The following DDX56 variants were observed in gnomAD, a reference collection of about 807,000 sequenced individuals.
DDX56 encodes the protein probable ATP-dependent RNA helicase DDX56.
Under a neutral mutation model 61.5 loss-of-function variants are expected in DDX56, and 45 were observed. The ratio of observed to expected loss-of-function variants is 0.73; its 90% CI spans 0.58 to 0.94. DDX56 has a LOEUF of 0.94. Among genes scored for constraint, DDX56 ranks in the 40% least tolerant of loss-of-function variants. The probability of loss-of-function intolerance (pLI) is 0.00; values close to 1 mark genes in which losing one functional copy is unlikely to be tolerated. For missense variants in DDX56, 708 were observed against 690.7 expected, an observed-to-expected ratio of 1.02 and a Z score of -0.28; for synonymous variants, 273 against 268.3, an observed-to-expected ratio of 1.02 and a Z score of -0.17.
rs780354785 is a variant in DDX56 at position 44,570,924 on chromosome 7, A to G, written c.891-47T>C. ...GAATCAGCTCAGCAGAGCAAGCTCA[A>G]GGCCCCTCTGCCATCCCTAGTATCA... On this transcript the variant is annotated intron_variant, in intron 6 of 13. Coordinates refer to ENST00000258772, the MANE Select transcript of DDX56 (RefSeq NM_019082.4). 5 of 1,582,632 alleles carry G rather than the reference A, an allele frequency of 3.2e-6. No individual in the cohort carries two copies. The South Asian group carries it at 3.4e-5, about 11-fold the overall frequency.
rs1377959980 is a variant in DDX56 at position 44,565,808 on chromosome 7, G to A, written c.*194C>T. ...TCATATGCTGGAGGCACAAACTGGGGCAGCTAAAATTTTTATTCTGTTGTC... is the reference window on the plus strand; with the variant it reads ...TCATATGCTGGAGGCACAAACTGGGACAGCTAAAATTTTTATTCTGTTGTC... On this transcript the variant is annotated 3_prime_UTR_variant, in exon 14 of 14. Coordinates refer to ENST00000258772, the MANE Select transcript of DDX56 (RefSeq NM_019082.4). The A allele has an allele frequency of 3.3e-6, 2 of 598,760 alleles. No homozygotes were observed. The highest frequency in any genetic ancestry group is 6.0e-6 in the Non-Finnish European group (2 of 333,676). The allele number at this position is 598,760 out of a possible 1,614,324, so 37.1% of individuals were successfully genotyped here.
At chr7:44,568,271 G>C in intron 11 of DDX56, 48 bp from the exon 12 acceptor site, 2 of 1,345,788 alleles carry the variant, frequency 1.5e-6, no homozygotes, top group Non-Finnish European at 2.1e-6. Flanking sequence ...TTTCTTCTGT[G>C]ACTTCACAGA....
intron 13 of DDX56, 48 bp downstream of exon 13, chr7:44,566,400 C>A: frequency 6.9e-7 from 1 of 1,444,324 alleles, no homozygotes; most frequent in Non-Finnish European, 9.5e-7. Context: ...GACAAAAGAG[C>A]AGGTTGGGAG....
At chr7:44,570,640 C>G (rs898169384) in intron 7 of DDX56, 118 bp downstream of exon 7, 45 of 1,377,644 alleles carry the variant, frequency 3.3e-5, no homozygotes, top group Middle Eastern at 2.1e-4. Flanking sequence ...CTGGGCTACA[C>G]TACCAGCCAG....
chr7:44,570,768 T>G lies in DDX56; in HGVS notation c.1000A>C (p.Lys334Gln). 6.2e-7 allele frequency: 1 copy of G among 1,612,062 alleles called. No homozygotes were observed. The highest frequency in any genetic ancestry group is 8.5e-7 in the Non-Finnish European group (1 of 1,178,824). The stretch of plus-strand genomic sequence containing the variant: ...GAGGCATGGACTCACTTGTCCCCTT[T>G]GGGCCCTCGGCCCCGACGCTTGCCC... ...VKGKRRGRGP[K>Q]GDKASDPEAG... The change falls in exon 7 of 14, where the codon AAA (lysine) becomes CAA (glutamine). Residue 334 changes from lysine (K) to glutamine (Q), a missense_variant. By Grantham distance (53) the Lys-to-Gln change is moderately conservative. Transcript: ENST00000258772.
chr7:44,568,282 C>G, intron 11 of DDX56, 59 bp from the exon 12 acceptor site: 1 of 1,248,550 alleles, frequency 8.0e-7, no homozygotes. Flanking sequence ...ACTTCACAGA[C>G]CTAGCTTTTC....
At chr7:44,569,687 G>A in intron 9 of DDX56, 122 bp downstream of exon 9, 1 of 854,602 alleles carries the variant, frequency 1.2e-6, no homozygotes, top group Non-Finnish European at 1.9e-6. Context: ...GCAGAACAAG[G>A]ATGGATGGTG....
intron 11 of DDX56, among the ~76,000 whole-genome samples, 172 bp from the exon 12 acceptor site, chr7:44,568,395 G>A (rs1802593880): frequency 6.6e-6 from 1 of 152,050 alleles, no homozygotes. Flanking sequence ...CCTTCTCCAT[G>A]ACACACATGG....
chr7:44,572,457 T>A lies in DDX56; in HGVS notation c.555-20A>T. 1 of 1,613,830 alleles carries A rather than the reference T, an allele frequency of 6.2e-7. No homozygotes were observed. The highest frequency in any genetic ancestry group is 8.5e-7 in the Non-Finnish European group (1 of 1,179,828). On this transcript the variant is annotated intron_variant, in intron 4 of 13. Transcript: ENST00000258772. ...AAGTGACTGAAATGAAAGAATCCAA[T>A]CAGATTCCAGCTCCAAGGGCCGCTA...
Position 44,570,772 on chromosome 7 carries a change from C to A in DDX56, c.996G>T (p.Gly332=). The A allele has an allele frequency of 1.2e-6, 2 of 1,612,532 alleles. No individual in the cohort carries two copies. The highest frequency in any genetic ancestry group is 8.5e-7 in the Non-Finnish European group (1 of 1,178,960). ...APVKGKRRGR[G]PKGDKASDPE... is the part of the protein sequence containing the mutation. Reference sequence around the variant, plus strand: ...CATGGACTCACTTGTCCCCTTTGGGCCCTCGGCCCCGACGCTTGCCCTTGA... The same window carrying A: ...CATGGACTCACTTGTCCCCTTTGGGACCTCGGCCCCGACGCTTGCCCTTGA... Residue 332 remains glycine (G), a synonymous_variant, in exon 7 of 14, where the codon GGG becomes GGT. Coordinates refer to ENST00000258772, the MANE Select transcript of DDX56 (RefSeq NM_019082.4).
intron 5 of DDX56, among the ~76,000 whole-genome samples, chr7:44,572,040 A>G (rs1231290679): frequency 6.6e-6 from 1 of 152,246 alleles, no homozygotes; most frequent in African/African-American, 2.4e-5. Flanking sequence ...TCTGAAAGGT[A>G]AAGTTTACTT....
Position 44,568,189 on chromosome 7 carries a change from A to C in DDX56, c.1418T>G (p.Leu473Arg). ...YFEDNPRDLQ[L>R]LRHDLPLHPA... ...GTGCAAAGGTAGGTCATGCCGCAGC[A>C]GCTGGAGGTCCCTAGGGTTGTCTTC... The change falls in exon 12 of 14, where the codon CTG (leucine) becomes CGG (arginine). Residue 473 changes from leucine (L) to arginine (R), a missense_variant. Leu to Arg is a moderately radical substitution (Grantham distance 102). Coordinates refer to ENST00000258772, the MANE Select transcript of DDX56 (RefSeq NM_019082.4). The C allele has an allele frequency of 6.2e-7, 1 of 1,613,984 alleles. No individual in the cohort carries two copies. The highest frequency in any genetic ancestry group is 8.5e-7 in the Non-Finnish European group (1 of 1,179,890).
chr7:44,570,257 C>T, intron 7 of DDX56, 129 bp from the exon 8 acceptor site: 1 of 1,206,558 alleles, frequency 8.3e-7, no homozygotes, highest in Non-Finnish European at 1.1e-6. Flanking sequence ...GACTCTCCAA[C>T]AATGGAACCG....
chr7:44,571,421 G>A lies in DDX56; in HGVS notation c.890+71C>T, dbSNP rs1404983933. On this transcript the variant is annotated intron_variant, in intron 6 of 13. Transcript: ENST00000258772. ...GCCCCTACTAAGTGCTTAAGAAACA[G>A]AACATTAACTGGGTCCCCTTTCCAT... 8.2e-6 allele frequency: 13 copies of A among 1,582,978 alleles called. 1 individual carries two copies. In the South Asian group the frequency reaches 1.2e-4, roughly 15 times the overall value.
intron 1 of DDX56, 46 bp from the exon 2 acceptor site, chr7:44,573,790 G>T: frequency 6.2e-7 from 1 of 1,613,372 alleles, no homozygotes; most frequent in African/African-American, 1.3e-5. Context: ...GAGCGATGGC[G>T]CGCCCCGCAG....
rs865780766 is a variant in DDX56 at position 44,573,437 on chromosome 7, C to T, written c.222+146G>A. 6 of 1,099,120 alleles carry T rather than the reference C, an allele frequency of 5.5e-6. No individual in the cohort carries two copies. The African/African-American group carries it at 7.8e-5, about 14-fold the overall frequency. The allele number at this position is 1,099,120 out of a possible 1,614,324, so 68.1% of individuals were successfully genotyped here. On this transcript the variant is annotated intron_variant, in intron 2 of 13. Transcript: ENST00000258772. Reference sequence around the variant, plus strand: ...GGATCCAGGTAACCTGAACTCCAGCCCAGAGTGTTTGCCACAACAGCACCA... The same window carrying T: ...GGATCCAGGTAACCTGAACTCCAGCTCAGAGTGTTTGCCACAACAGCACCA...
At chr7:44,569,354 G>T in intron 9 of DDX56, 151 bp from the exon 10 acceptor site, 1 of 711,954 alleles carries the variant, frequency 1.4e-6, no homozygotes, top group Non-Finnish European at 2.3e-6. Context: ...CTGCACCTGG[G>T]CCTCTTACAG....
chr7:44,573,154 T>C (rs217372), intron 2 of DDX56, 104 bp from the exon 3 acceptor site: 572,121 of 1,031,246 alleles, frequency 0.55, 160,364 homozygotes, highest in Middle Eastern at 0.63. Context: ...CAACACTACT[T>C]AGCAGTACTT....
At chr7:44,573,540 T>G (rs1484935089) in intron 2 of DDX56, 43 bp downstream of exon 2, 1 of 1,600,992 alleles carries the variant, frequency 6.2e-7, no homozygotes, top group South Asian at 1.1e-5. Context: ...CCCAGGCTTT[T>G]GGAGCTTGCC....
Sources: gnomAD v4.1 joint callset for allele counts (sites outside exome capture counted in the v4.1 genomes callset) on GRCh38, gnomAD v4.1.1 for gene constraint, MANE v1.5 for transcripts, NCBI Gene and HGNC (gene_info 2026-07-23, HGNC 2026-07-21) for gene names.